The following PDE7B variants were observed in gnomAD, a reference collection of about 807,000 sequenced individuals.
The protein encoded by PDE7B is phosphodiesterase 7B.
PDE7B carries 29 observed loss-of-function variants against 56.2 expected under a neutral mutation model. The observed-to-expected ratio is 0.52, with a 90% CI of 0.38 to 0.70. The LOEUF (loss-of-function observed/expected upper bound fraction) is 0.70. Among genes scored for constraint, PDE7B ranks in the 30% least tolerant of loss-of-function variants. The pLI is 0.00. For synonymous variants in PDE7B, 197 were observed against 196.9 expected (o/e 1.00, Z 0.00); for missense variants, 490 against 565.0 (o/e 0.87, Z 1.35).
At chr6:135,886,870 T>C (rs974531926) in intron 1 of PDE7B, among the ~76,000 whole-genome samples, 1 of 152,186 alleles carries the variant, frequency 6.6e-6, no homozygotes. Context: ...TCTTTTCCTT[T>C]GGGTAGATAC....
At chr6:136,083,101 G>A (rs540862774) in intron 2 of PDE7B, among the ~76,000 whole-genome samples, 31 of 152,310 alleles carry the variant, frequency 2.0e-4, no homozygotes, top group African/African-American at 6.5e-4. Context: ...AGGTGGCTTG[G>A]AGGACAGTGT....
At chr6:136,175,355 G>A (rs58844539) in intron 9 of PDE7B, among the ~76,000 whole-genome samples, 4,248 of 152,170 alleles carry the variant, frequency 0.028, 185 homozygotes, top group African/African-American at 0.096. Context: ...CAGGTTAATT[G>A]TAGAAAGTAA....
intron 2 of PDE7B, among the ~76,000 whole-genome samples, chr6:136,065,085 G>A (rs1027339042): frequency 6.6e-6 from 1 of 152,202 alleles, no homozygotes; most frequent in African/African-American, 2.4e-5. Context: ...AGTCAAGGAA[G>A]AGACATCTAC....
chr6:136,183,318 G>A (rs1427359873), intron 11 of PDE7B, among the ~76,000 whole-genome samples: 1 of 152,076 alleles, frequency 6.6e-6, no homozygotes, highest in Non-Finnish European at 1.5e-5. Context: ...TATAGGCTGG[G>A]CATGGTGGCT....
chr6:135,867,150 A>C (rs1307824282), intron 1 of PDE7B, among the ~76,000 whole-genome samples: 1 of 152,146 alleles, frequency 6.6e-6, no homozygotes, highest in Non-Finnish European at 1.5e-5. Flanking sequence ...TTTACAAGTA[A>C]CTTGAAAGTA....
intron 2 of PDE7B, among the ~76,000 whole-genome samples, chr6:135,981,410 A>T (rs1015363530): frequency 6.6e-5 from 10 of 151,984 alleles, no homozygotes; most frequent in African/African-American, 9.7e-5. Context: ...ATTGTGCAGC[A>T]CATGTACCCT....
intron 1 of PDE7B, among the ~76,000 whole-genome samples, chr6:135,923,032 A>G (rs966954058): frequency 8.5e-5 from 13 of 152,166 alleles, no homozygotes; most frequent in Admixed American, 7.9e-4. Flanking sequence ...AAGGGATCCA[A>G]CCACCTTCTG....
chr6:136,171,432 G>A (rs1439914036), intron 8 of PDE7B, among the ~76,000 whole-genome samples: 4 of 152,254 alleles, frequency 2.6e-5, no homozygotes, highest in African/African-American at 7.2e-5. Flanking sequence ...TAATGACTGC[G>A]ACTCAGGAGT....
intron 2 of PDE7B, among the ~76,000 whole-genome samples, chr6:136,097,762 C>T (rs577587475): frequency 8.5e-5 from 13 of 152,126 alleles, no homozygotes; most frequent in Middle Eastern, 3.4e-3. Flanking sequence ...CTTCTCCAGC[C>T]TCATTTTGCA....
intron 12 of PDE7B, among the ~76,000 whole-genome samples, chr6:136,188,962 C>G (rs923415973): frequency 2.0e-5 from 3 of 152,130 alleles, no homozygotes; most frequent in Admixed American, 1.3e-4. Context: ...ACAGATCAGG[C>G]TAAGCCAGAA....
intron 2 of PDE7B, among the ~76,000 whole-genome samples, chr6:136,015,510 T>G (rs926467405): frequency 6.6e-6 from 1 of 152,132 alleles, no homozygotes; most frequent in Admixed American, 6.5e-5. Context: ...AAAAAGAAAT[T>G]TTTCTCAAGA....
At chr6:136,038,105 G>C (rs1047373856) in intron 2 of PDE7B, 3 of 1,328,086 alleles carry the variant, frequency 2.3e-6, no homozygotes, top group Non-Finnish European at 3.0e-6. Context: ...TGCCAGGCTG[G>C]AGGAGGCTTG....
At chr6:136,070,403 A>G (rs1399892218) in intron 2 of PDE7B, 1 of 152,184 alleles carries the variant, frequency 6.6e-6, no homozygotes, top group Non-Finnish European at 1.5e-5. Flanking sequence ...ATTAATCTTT[A>G]TAAATACCCA....
chr6:135,897,603 A>G (rs1775925242), intron 1 of PDE7B, among the ~76,000 whole-genome samples: 1 of 152,210 alleles, frequency 6.6e-6, no homozygotes, highest in Admixed American at 6.5e-5. Flanking sequence ...TAACAAAATT[A>G]AACAATATAA....
intron 6 of PDE7B, among the ~76,000 whole-genome samples, chr6:136,151,703 A>C (rs1778518378): frequency 6.6e-6 from 1 of 152,226 alleles, no homozygotes; most frequent in South Asian, 2.1e-4. Flanking sequence ...GCACTTTGGG[A>C]GGCGGGCGTA....
At chr6:135,899,707 A>AT (rs1285056417) in intron 1 of PDE7B, among the ~76,000 whole-genome samples, 2 of 151,938 alleles carry the variant, frequency 1.3e-5, no homozygotes, top group African/African-American at 4.8e-5. Flanking sequence ...ATAATAATTT[A>AT]TTTTTGGATT....
At chr6:136,092,276 T>C (rs1055898230) in intron 2 of PDE7B, among the ~76,000 whole-genome samples, 2 of 152,100 alleles carry the variant, frequency 1.3e-5, no homozygotes, top group South Asian at 4.1e-4. Context: ...TGTAATTGGG[T>C]TTGGACATGA....
At chr6:136,131,377 C>A (rs1778114002) in intron 3 of PDE7B, among the ~76,000 whole-genome samples, 1 of 151,878 alleles carries the variant, frequency 6.6e-6, no homozygotes, top group African/African-American at 2.4e-5. Context: ...TGGATTATGC[C>A]CTGACACCAT....
In PDE7B at chr6:136,187,223, T is replaced by G. The variant is rs968512564; in HGVS notation, c.1126+107T>G. On this transcript the variant is annotated intron_variant, in intron 12 of 12. Coordinates refer to ENST00000308191, the MANE Select transcript of PDE7B (RefSeq NM_018945.4). Reference sequence around the variant, plus strand: ...CTTTCAAAAGATCAGCACTGGAGGTTTAATCAACATCCTTTTGAATGGCTG... The same window carrying G: ...CTTTCAAAAGATCAGCACTGGAGGTGTAATCAACATCCTTTTGAATGGCTG... The G allele has an allele frequency of 4.5e-6, 3 of 661,272 alleles. No homozygotes were observed. The African/African-American group carries it at 5.4e-5, about 12-fold the overall frequency. 41.0% of individuals were successfully genotyped at this position (661,272 alleles called of 1,614,324 possible).
Sources: allele counts gnomAD v4.1 joint callset (sites outside exome capture counted in the v4.1 genomes callset), GRCh38; gene constraint gnomAD v4.1.1; transcripts MANE v1.5; gene names NCBI Gene and HGNC (gene_info 2026-07-23, HGNC 2026-07-21).